The following EML6 variants were observed in gnomAD, a reference collection of about 807,000 sequenced individuals.
EML6 encodes echinoderm microtubule-associated protein-like 6.
Under a neutral mutation model 240.1 loss-of-function variants are expected in EML6, and 154 were observed. That is an observed-to-expected ratio of 0.64 (90% CI 0.56 to 0.73). The LOEUF (loss-of-function observed/expected upper bound fraction) is 0.73, where lower values mean the gene tolerates loss of function less well. Among genes scored for constraint, EML6 ranks in the 30% least tolerant of loss-of-function variants. The pLI, the probability that EML6 is intolerant of heterozygous loss-of-function variation, is 0.00. For synonymous variants in EML6, 1,148 were observed against 899.0 expected (o/e 1.28, Z -4.95); for missense variants, 2,964 against 2,474.6 (o/e 1.20, Z -4.20).
At position 54,902,996 on chromosome 2, in the gene EML6, G is replaced by A. The variant is rs1673139655; in HGVS notation, c.3125-48G>A. The A allele has an allele frequency of 3.3e-6, 5 of 1,522,832 alleles. No homozygotes were observed. In the East Asian group the frequency reaches 1.2e-4, roughly 37 times the overall value. 94.3% of individuals were successfully genotyped at this position (1,522,832 alleles called of 1,614,324 possible). A position where few individuals can be genotyped will look rare whatever the true frequency, so the allele number is the denominator to read the frequency against. ...CTTCATCTTTTCATGTGGTTTGCTTGACAGTGAAGTTTTGGATAATAAGTG... is the reference window on the plus strand; with the variant it reads ...CTTCATCTTTTCATGTGGTTTGCTTAACAGTGAAGTTTTGGATAATAAGTG... On this transcript the variant is annotated intron_variant, in intron 22 of 41. Transcript: ENST00000356458.
chr2:54,916,476 C>T (rs1417949647), intron 25 of EML6, among the ~76,000 whole-genome samples: 1 of 148,706 alleles, frequency 6.7e-6, no homozygotes, highest in African/African-American at 2.5e-5. Context: ...TGATAAATGT[C>T]TAGTTAAGAA....
At chr2:54,833,794 A>T (rs1159923569) in intron 7 of EML6, among the ~76,000 whole-genome samples, 1 of 152,230 alleles carries the variant, frequency 6.6e-6, no homozygotes, top group African/African-American at 2.4e-5. Flanking sequence ...ACACAAGATG[A>T]TATAAACCAA....
intron 5 of EML6, among the ~76,000 whole-genome samples, chr2:54,826,577 G>A (rs1476116546): frequency 6.6e-6 from 1 of 152,162 alleles, no homozygotes; most frequent in Admixed American, 6.5e-5. Flanking sequence ...TCCACCCTGG[G>A]CAGCAGAGTG....
intron 41 of EML6, 133 bp from the exon 42 acceptor site, chr2:54,969,938 T>G: frequency 1.1e-6 from 1 of 904,722 alleles, no homozygotes; most frequent in South Asian, 1.4e-5. Flanking sequence ...ATCCCTGGTT[T>G]ACCTTTTGAA....
chr2:54,781,940 A>G (rs1308601606), intron 2 of EML6, among the ~76,000 whole-genome samples: 3 of 152,218 alleles, frequency 2.0e-5, no homozygotes, highest in Non-Finnish European at 2.9e-5. Context: ...AAGTGCTGGG[A>G]TCACAGGTGT....
intron 5 of EML6, among the ~76,000 whole-genome samples, chr2:54,824,739 G>A (rs143471865): frequency 5.3e-5 from 8 of 152,226 alleles, no homozygotes; most frequent in East Asian, 3.9e-4. Context: ...CTGTTGAGCC[G>A]TCTCTAGTCA....
At chr2:54,786,011 T>G (rs1669066289) in intron 2 of EML6, among the ~76,000 whole-genome samples, 1 of 151,906 alleles carries the variant, frequency 6.6e-6, no homozygotes, top group Non-Finnish European at 1.5e-5. Flanking sequence ...GTGGAGTGGC[T>G]ACCCAGGGTG....
intron 5 of EML6, among the ~76,000 whole-genome samples, chr2:54,825,622 G>GT (rs142365458): frequency 0.021 from 3,247 of 152,188 alleles, 126 homozygotes; most frequent in African/African-American, 0.074. Flanking sequence ...AAAGAAATGA[G>GT]TTACCAGAGC....
chr2:54,791,307 C>G (rs1206054875), intron 2 of EML6, among the ~76,000 whole-genome samples: 2 of 152,162 alleles, frequency 1.3e-5, no homozygotes, highest in African/African-American at 2.4e-5. Flanking sequence ...TTTCTCATCT[C>G]TTTTGAAGAT....
intron 25 of EML6, among the ~76,000 whole-genome samples, chr2:54,913,393 G>GCA (rs1247470918): frequency 6.6e-6 from 1 of 151,926 alleles, no homozygotes; most frequent in Non-Finnish European, 1.5e-5. Flanking sequence ...GACTGTAGAT[G>GCA]CACACCACCA....
chr2:54,917,256 A>G (rs1484994260), intron 26 of EML6, among the ~76,000 whole-genome samples: 5 of 152,108 alleles, frequency 3.3e-5, no homozygotes, highest in Non-Finnish European at 5.9e-5. Flanking sequence ...CAGATGAGGA[A>G]CTTAATATCA....
intron 2 of EML6, among the ~76,000 whole-genome samples, chr2:54,744,066 A>G (rs1376680910): frequency 6.6e-6 from 1 of 151,094 alleles, no homozygotes; most frequent in African/African-American, 2.4e-5. Flanking sequence ...TAGGATGAAG[A>G]CAATGCATTG....
Position 54,751,660 on chromosome 2 carries a change from G to A in EML6, c.197+26402G>A, listed in dbSNP as rs1298467232. ...AAAAATCACTGAAGTTATTTTGTGG[G>A]CCTATATTTAAAATTTATTTTTCAG... On this transcript the variant is annotated intron_variant, in intron 2 of 41. Coordinates refer to ENST00000356458, the MANE Select transcript of EML6 (RefSeq NM_001039753.4). Among the ~76,000 whole-genome samples the A allele has an allele frequency of 3.3e-5, 5 of 152,016 alleles. No individual in the cohort carries two copies. The East Asian group carries it at 9.6e-4, about 29-fold the overall frequency.
chr2:54,957,726 G>T, intron 32 of EML6, 64 bp from the exon 33 acceptor site: 1 of 1,468,058 alleles, frequency 6.8e-7, no homozygotes. Context: ...CTCCTGGGCT[G>T]CGGCTCCCCC....
chr2:54,928,489 AGACACCGACGTGGAAGAGGATG>A lies in EML6; in HGVS notation c.3855_3876del (p.Asp1285GlufsTer22). ...GCAAGCTGGTGGACAGCGAGGAGTC[AGACACCGACGTGGAAGAGGATG>A]GAGGTGAGCCCCCCACCTGCCACAT... On this transcript the variant is annotated frameshift_variant, in exon 27 of 42. Transcript: ENST00000356458. LOFTEE classifies it high-confidence loss of function. The A allele has an allele frequency of 6.5e-7, 1 of 1,547,032 alleles. No individual in the cohort carries two copies.
At chr2:54,748,692 TG>T (rs1684025467) in intron 2 of EML6, among the ~76,000 whole-genome samples, 1 of 152,168 alleles carries the variant, frequency 6.6e-6, no homozygotes, top group Non-Finnish European at 1.5e-5. Flanking sequence ...CCTGAGTAGC[TG>T]GGACTACAGG....
At chr2:54,908,576 A>G (rs1673470432) in intron 24 of EML6, among the ~76,000 whole-genome samples, 1 of 152,214 alleles carries the variant, frequency 6.6e-6, no homozygotes, top group Non-Finnish European at 1.5e-5. Context: ...GAACCAAGCA[A>G]GCAGTTCCTC....
intron 33 of EML6, among the ~76,000 whole-genome samples, 199 bp downstream of exon 33, chr2:54,958,197 A>G (rs1190574649): frequency 6.6e-6 from 1 of 151,930 alleles, no homozygotes; most frequent in East Asian, 1.9e-4. Context: ...ATACATATAT[A>G]TATTATTTTT....
Position 54,853,872 on chromosome 2 carries a change from T to G in EML6, c.1657+17T>G. ...TCAAGAGAGGTAAGGCCAAAAGAGA[T>G]GTTTCATTGCATAAAGATTTACTCT... is the stretch of plus-strand genomic sequence containing the variant. On this transcript the variant is annotated intron_variant, in intron 11 of 41. Coordinates refer to ENST00000356458, the MANE Select transcript of EML6 (RefSeq NM_001039753.4). 2 of 1,506,212 alleles carry G rather than the reference T, an allele frequency of 1.3e-6. No individual in the cohort carries two copies. Among genetic ancestry groups the G allele is most frequent in the African/African-American group, 2.8e-5 (2 of 72,200 alleles). The allele number at this position is 1,506,212 out of a possible 1,614,324, so 93.3% of individuals were successfully genotyped here.
Sources: allele counts gnomAD v4.1 joint callset (sites outside exome capture counted in the v4.1 genomes callset), GRCh38; gene constraint gnomAD v4.1.1; transcripts MANE v1.5; gene names NCBI Gene and HGNC (gene_info 2026-07-23, HGNC 2026-07-21).